Variants in ZC3H12B observed in about 807,000 individuals in gnomAD.
ZC3H12B encodes probable ribonuclease ZC3H12B.
ZC3H12B carries 7 observed loss-of-function variants against 43.9 expected under a neutral mutation model. That is an observed-to-expected ratio of 0.16 (90% CI 0.09 to 0.30). The LOEUF (loss-of-function observed/expected upper bound fraction) is 0.30, where lower values mean the gene tolerates loss of function less well. Ranked by LOEUF, ZC3H12B falls within the 10% of genes least tolerant of loss-of-function variation. ZC3H12B has a pLI of 1.00. For synonymous variants in ZC3H12B, 222 were observed against 241.7 expected (o/e 0.92, Z 0.76); for missense variants, 475 against 670.2 (o/e 0.71, Z 3.22).
At chrX:65,400,996 T>C (rs907075761) in intron 3 of ZC3H12B, among the ~76,000 whole-genome samples, 1 of 110,010 alleles carries the variant, frequency 9.1e-6, no homozygotes, top group Non-Finnish European at 1.9e-5. Flanking sequence ...ACAAAAGGCA[T>C]TTTCAGAGAG....
chrX:65,397,485 G>T (rs1163334330), intron 2 of ZC3H12B, among the ~76,000 whole-genome samples: 1 of 111,443 alleles, frequency 9.0e-6, no homozygotes. Flanking sequence ...GAAATTTTGG[G>T]TTGAAAATTC....
chrX:65,190,365 T>A, the ZC3H12B span, among the ~76,000 whole-genome samples: 5 of 111,293 alleles, frequency 4.5e-5, no homozygotes. Context: ...GGGGATGGCA[T>A]TGAATCTGTA....
chrX:65,216,853 A>G, the ZC3H12B span, among the ~76,000 whole-genome samples: 1 of 112,286 alleles, frequency 8.9e-6, no homozygotes, highest in African/African-American at 3.2e-5. Context: ...ACCCCAGGCC[A>G]TAAGAGAATA....
chrX:65,413,069 C>T (rs1359665780), intron 3 of ZC3H12B, among the ~76,000 whole-genome samples: 1 of 110,828 alleles, frequency 9.0e-6, no homozygotes, highest in Non-Finnish European at 1.9e-5. Flanking sequence ...TTTTCATGTG[C>T]TTGTTTGCCT....
intron 2 of ZC3H12B, among the ~76,000 whole-genome samples, chrX:65,382,637 C>T (rs2066459714): frequency 9.0e-6 from 1 of 111,275 alleles, no homozygotes; most frequent in African/African-American, 3.3e-5. Context: ...AAAGGGTATT[C>T]AATTAGGAAA....
At chrX:65,147,794 G>A in the ZC3H12B span, among the ~76,000 whole-genome samples, 1 of 110,559 alleles carries the variant, frequency 9.0e-6, no homozygotes, top group South Asian at 4.0e-4. Flanking sequence ...CCTGGAGCTT[G>A]CGTGGTGCTG....
chrX:65,295,747 C>T, the ZC3H12B span, among the ~76,000 whole-genome samples: 18 of 111,148 alleles, frequency 1.6e-4, no homozygotes, highest in African/African-American at 5.5e-4. Context: ...CACAGAAATA[C>T]AAAAGATTAT....
chrX:65,392,451 G>A (rs1430166578), intron 2 of ZC3H12B, among the ~76,000 whole-genome samples: 2 of 105,967 alleles, frequency 1.9e-5, no homozygotes, highest in Non-Finnish European at 3.9e-5. Flanking sequence ...CCTCCGCCCG[G>A]CAGCCGTCCC....
In ZC3H12B at chrX:65,422,856, CAT is replaced by C. The variant is rs200286224; in HGVS notation, n.407+24154_407+24155del. ...AGCTTCATCCATGTCACTGAAAAAA[CAT>C]AAACTCATCCTTTTTTGTGGCTGCA... On this transcript the variant is annotated intron_variant and non_coding_transcript_variant, in intron 3 of 5. Coordinates refer to the ZC3H12B transcript ENST00000617377. 8.8e-3 allele frequency among the ~76,000 whole-genome samples: 925 copies of C among 105,484 alleles called. 14 individuals carry two copies. Among genetic ancestry groups the C allele is most frequent in the African/African-American group, 0.03 (872 of 29,201 alleles). The allele number at this position is 105,484 out of a possible 115,157, so 91.6% of individuals were successfully genotyped here. A position where few individuals can be genotyped will look rare whatever the true frequency, so the allele number is the denominator to read the frequency against.
At chrX:65,038,891 A>G in the ZC3H12B span, among the ~76,000 whole-genome samples, 1 of 111,648 alleles carries the variant, frequency 9.0e-6, no homozygotes, top group Non-Finnish European at 1.9e-5. Context: ...TCTTTATTAT[A>G]TCATTGGACT....
chrX:65,380,526 A>G, intron 2 of ZC3H12B, among the ~76,000 whole-genome samples: 1 of 112,048 alleles, frequency 8.9e-6, no homozygotes, highest in South Asian at 3.7e-4. Context: ...AAGACCATCA[A>G]GACTAAGAAG....
the ZC3H12B span, among the ~76,000 whole-genome samples, chrX:65,155,149 G>A: frequency 3.7e-5 from 4 of 109,561 alleles, no homozygotes; most frequent in Non-Finnish European, 7.6e-5. Flanking sequence ...ATAGAGACAG[G>A]GTTTCACCAT....
At chrX:65,159,722 A>G in the ZC3H12B span, among the ~76,000 whole-genome samples, 1 of 111,253 alleles carries the variant, frequency 9.0e-6, no homozygotes, top group African/African-American at 3.3e-5. Flanking sequence ...GGACAATTTG[A>G]CTCCCTCTTT....
chrX:65,235,024 G>C, the ZC3H12B span, among the ~76,000 whole-genome samples: 3 of 111,469 alleles, frequency 2.7e-5, no homozygotes, highest in African/African-American at 9.8e-5. Context: ...ACATGGCCTT[G>C]TTCATTCTTT....
At chrX:65,068,747 A>G in the ZC3H12B span, among the ~76,000 whole-genome samples, 1 of 111,623 alleles carries the variant, frequency 9.0e-6, no homozygotes, top group Non-Finnish European at 1.9e-5. Flanking sequence ...ATGTATTGCT[A>G]ATTAGCATCT....
chrX:65,445,597 A>G (rs2067365199), intron 3 of ZC3H12B, among the ~76,000 whole-genome samples: 1 of 112,684 alleles, frequency 8.9e-6, no homozygotes, highest in Admixed American at 9.4e-5. Flanking sequence ...ACTGGGTCAG[A>G]CCTGAAGTCA....
At chrX:65,366,863 C>T (rs2066181016) in intron 1 of ZC3H12B, 97 bp downstream of exon 3, 1 of 112,199 alleles carries the variant, frequency 8.9e-6, no homozygotes, top group Non-Finnish European at 1.9e-5. Context: ...ATTATGTTTA[C>T]CTATGTGATG....
the ZC3H12B span, among the ~76,000 whole-genome samples, chrX:65,067,244 G>T: frequency 1.8e-5 from 2 of 110,691 alleles, no homozygotes; most frequent in African/African-American, 6.6e-5. Context: ...GCCCCATTTT[G>T]TGCTTGAAAC....
At chrX:65,381,939 A>G (rs919135101) in intron 2 of ZC3H12B, among the ~76,000 whole-genome samples, 2 of 111,652 alleles carry the variant, frequency 1.8e-5, no homozygotes, top group African/African-American at 6.5e-5. Flanking sequence ...CAATAACAGG[A>G]GCTGAAACTG....
Sources: gnomAD v4.1 joint callset for allele counts (sites outside exome capture counted in the v4.1 genomes callset) on GRCh38, gnomAD v4.1.1 for gene constraint, MANE v1.5 for transcripts, NCBI Gene and HGNC (gene_info 2026-07-23, HGNC 2026-07-21) for gene names.